The following FCHSD2 variants were observed in gnomAD, a reference collection of about 807,000 sequenced individuals.
The protein encoded by FCHSD2 is F-BAR and double SH3 domains protein 2.
Under a neutral mutation model 108.1 loss-of-function variants are expected in FCHSD2, and 38 were observed. The observed-to-expected ratio is 0.35, with a 90% CI of 0.27 to 0.46. The LOEUF (loss-of-function observed/expected upper bound fraction) is 0.46, where lower values mean the gene tolerates loss of function less well. Ranked by LOEUF, FCHSD2 falls within the 20% of genes least tolerant of loss-of-function variation. FCHSD2 has a pLI of 1.00. For missense variants in FCHSD2, 751 were observed against 897.8 expected, an observed-to-expected ratio of 0.84 and a Z score of 2.09; for synonymous variants, 279 against 314.7, an observed-to-expected ratio of 0.89 and a Z score of 1.20.
At chr11:72,941,395 A>T (rs895933361) in intron 8 of FCHSD2, among the ~76,000 whole-genome samples, 2 of 151,226 alleles carry the variant, frequency 1.3e-5, no homozygotes, top group Non-Finnish European at 3.0e-5. Flanking sequence ...ATTATAATTT[A>T]TATAATTTTT....
chr11:73,079,929 G>C (rs768955622), intron 3 of FCHSD2, among the ~76,000 whole-genome samples: 1 of 152,140 alleles, frequency 6.6e-6, no homozygotes, highest in Non-Finnish European at 1.5e-5. Context: ...TATTAGATAC[G>C]TTACATAGTT....
At chr11:72,968,537 A>G (rs553461272) in intron 8 of FCHSD2, among the ~76,000 whole-genome samples, 78 of 152,366 alleles carry the variant, frequency 5.1e-4, no homozygotes, top group African/African-American at 1.9e-3. Flanking sequence ...ATCTTAATGG[A>G]GAGCCCTGAA....
chr11:73,109,970 T>C (rs1860442746), intron 2 of FCHSD2, among the ~76,000 whole-genome samples: 1 of 152,242 alleles, frequency 6.6e-6, no homozygotes, highest in African/African-American at 2.4e-5. Context: ...TTTTTCATTC[T>C]TGATACGATG....
chr11:72,975,449 C>A (rs923341022), intron 8 of FCHSD2, among the ~76,000 whole-genome samples: 7 of 151,972 alleles, frequency 4.6e-5, no homozygotes, highest in African/African-American at 1.7e-4. Context: ...AATAGCACAG[C>A]AGGGTGACTA....
chr11:72,870,793 G>A (rs1233894691), intron 12 of FCHSD2, among the ~76,000 whole-genome samples: 7 of 151,146 alleles, frequency 4.6e-5, no homozygotes, highest in African/African-American at 7.3e-5. Flanking sequence ...CCAGCTACTC[G>A]GGAGGCTGAG....
At chr11:73,141,774 G>A (rs1324179868) in intron 1 of FCHSD2, 83 bp downstream of exon 1, 1 of 1,414,354 alleles carries the variant, frequency 7.1e-7, no homozygotes, top group African/African-American at 1.4e-5. Context: ...CTTGCGGGAG[G>A]GGGAAGGGGC....
At chr11:72,847,090 G>A (rs1861166596) in intron 14 of FCHSD2, among the ~76,000 whole-genome samples, 1 of 152,138 alleles carries the variant, frequency 6.6e-6, no homozygotes, top group African/African-American at 2.4e-5. Flanking sequence ...TCGATCTCCT[G>A]GGCTCCAGTG....
intron 5 of FCHSD2, among the ~76,000 whole-genome samples, chr11:73,000,378 A>T (rs1857602669): frequency 6.6e-6 from 1 of 152,192 alleles, no homozygotes. Context: ...AACACAATTC[A>T]ATCACCTATT....
chr11:72,930,333 T>C (rs557410814), intron 8 of FCHSD2, among the ~76,000 whole-genome samples: 1 of 152,356 alleles, frequency 6.6e-6, no homozygotes, highest in East Asian at 1.9e-4. Context: ...ACTTTACTAG[T>C]GCCAACCTTC....
At chr11:73,088,930 A>G (rs2135519895) in intron 2 of FCHSD2, among the ~76,000 whole-genome samples, 1 of 152,306 alleles carries the variant, frequency 6.6e-6, no homozygotes, top group South Asian at 2.1e-4. Flanking sequence ...AAATAAGGAC[A>G]TTCACGTGAA....
At chr11:72,847,345 G>T (rs1438463297) in intron 14 of FCHSD2, among the ~76,000 whole-genome samples, 3 of 152,078 alleles carry the variant, frequency 2.0e-5, no homozygotes. Flanking sequence ...TGAGGTCAAG[G>T]GAAGGATTCA....
chr11:73,123,515 T>TA (rs1223883825), intron 2 of FCHSD2, among the ~76,000 whole-genome samples: 2 of 152,212 alleles, frequency 1.3e-5, no homozygotes, highest in Non-Finnish European at 2.9e-5. Flanking sequence ...TAGGCATCTG[T>TA]AATGTAAAGT....
At chr11:73,058,323 T>C (rs1258349202) in intron 3 of FCHSD2, among the ~76,000 whole-genome samples, 5 of 152,164 alleles carry the variant, frequency 3.3e-5, no homozygotes, top group African/African-American at 1.2e-4. Flanking sequence ...TGGTATAGTA[T>C]ATATACCAAT....
intron 9 of FCHSD2, among the ~76,000 whole-genome samples, chr11:72,920,279 C>G (rs1401647065): frequency 6.6e-6 from 1 of 152,010 alleles, no homozygotes. Context: ...AAAACAGAGA[C>G]AATTCTAGAA....
intron 8 of FCHSD2, among the ~76,000 whole-genome samples, chr11:72,968,279 C>G: frequency 6.6e-6 from 1 of 152,194 alleles, no homozygotes. Context: ...CACTGGTACT[C>G]TGTCCTTAAG....
In FCHSD2 at chr11:73,141,920, A is replaced by G. The variant is rs1420048354; in HGVS notation, c.-43T>C. ...AATCCTCCCCGACGGCAGCGTTAGCAAGGACCAGGAGGAGGAGGAGGGCCG... is the reference window on the plus strand; with the variant it reads ...AATCCTCCCCGACGGCAGCGTTAGCGAGGACCAGGAGGAGGAGGAGGGCCG... On this transcript the variant is annotated 5_prime_UTR_variant, in exon 1 of 20. Transcript: ENST00000409418. 2 of 1,538,212 alleles carry G rather than the reference A, an allele frequency of 1.3e-6. No individual in the cohort carries two copies. The highest frequency in any genetic ancestry group is 2.8e-5 in the African/African-American group (2 of 72,656).
chr11:72,923,908 C>CAGCT (rs1856023925), intron 8 of FCHSD2, among the ~76,000 whole-genome samples: 1 of 152,146 alleles, frequency 6.6e-6, no homozygotes, highest in Non-Finnish European at 1.5e-5. Context: ...TATTGAAATA[C>CAGCT]AGCTCTGCGT....
chr11:72,884,047 A>C (rs1420123096), intron 12 of FCHSD2, among the ~76,000 whole-genome samples: 1 of 152,176 alleles, frequency 6.6e-6, no homozygotes, highest in Non-Finnish European at 1.5e-5. Flanking sequence ...AGAGGAAAGA[A>C]TCTTTATCAT....
intron 8 of FCHSD2, among the ~76,000 whole-genome samples, chr11:72,947,080 G>A (rs981285729): frequency 6.6e-6 from 1 of 152,248 alleles, no homozygotes; most frequent in Non-Finnish European, 1.5e-5. Flanking sequence ...ACATCACTGG[G>A]TCTGGGAGTC....
Sources: allele counts gnomAD v4.1 joint callset (sites outside exome capture counted in the v4.1 genomes callset), GRCh38; gene constraint gnomAD v4.1.1; transcripts MANE v1.5; gene names NCBI Gene and HGNC (gene_info 2026-07-23, HGNC 2026-07-21).